ITSN1: variants seen among roughly 807,000 people sequenced by gnomAD.
ITSN1 encodes intersectin 1, also known as intersectin-1.
In ITSN1, 58 loss-of-function variants were observed where a neutral mutation model predicts 239.8. That is an observed-to-expected ratio of 0.24 (90% CI 0.20 to 0.30). ITSN1 has a LOEUF of 0.30. ITSN1 is among the 10% of genes least tolerant of loss of function. ITSN1 has a pLI of 1.00. For missense variants in ITSN1, 1,558 were observed against 2,103.3 expected (o/e 0.74, Z 5.07); for synonymous variants, 780 against 770.8 (o/e 1.01, Z -0.20).
intron 5 of ITSN1, among the ~76,000 whole-genome samples, chr21:33,748,383 A>G (rs1043575871): frequency 6.6e-6 from 1 of 152,204 alleles, no homozygotes; most frequent in Non-Finnish European, 1.5e-5. Context: ...CAGGAGTTCA[A>G]GGTTACAGTG....
intron 29 of ITSN1, among the ~76,000 whole-genome samples, chr21:33,843,426 T>G (rs1038864067): frequency 1.3e-5 from 2 of 152,182 alleles, no homozygotes; most frequent in African/African-American, 4.8e-5. Context: ...CCCTTTGTCC[T>G]TCTCTCCTCC....
intron 29 of ITSN1, among the ~76,000 whole-genome samples, chr21:33,854,199 T>C (rs1054115550): frequency 2.0e-5 from 3 of 152,350 alleles, no homozygotes; most frequent in South Asian, 4.1e-4. Context: ...TCAAGGCAAC[T>C]GTGGGGCATC....
chr21:33,842,495 GGTGTGTGTGTGTGTGTGTGTGT>G (rs34019939), intron 29 of ITSN1, among the ~76,000 whole-genome samples: 1 of 148,170 alleles, frequency 6.7e-6, no homozygotes, highest in East Asian at 2.0e-4. Context: ...TGATGTCAAC[GGTGTGTGTGTGTGTGTGTGTGT>G]GTGTGTGTGT....
chr21:33,840,302 A>G (rs546568937), intron 29 of ITSN1, among the ~76,000 whole-genome samples: 1 of 152,272 alleles, frequency 6.6e-6, no homozygotes, highest in East Asian at 1.9e-4. Context: ...GGTATCTCCT[A>G]TGGCCTCAGA....
At chr21:33,814,444 A>C in intron 22 of ITSN1, 1 of 206,536 alleles carries the variant, frequency 4.8e-6, no homozygotes, top group Non-Finnish European at 9.9e-6. Context: ...GGAAAATCAC[A>C]TACCCCTCCA....
chr21:33,694,288 C>G (rs1340425367), intron 1 of ITSN1, among the ~76,000 whole-genome samples: 1 of 152,208 alleles, frequency 6.6e-6, no homozygotes, highest in Non-Finnish European at 1.5e-5. Flanking sequence ...TTTGGCTACC[C>G]AAAGTGCTGG....
In ITSN1 at chr21:33,761,940, A is replaced by G. The variant is rs772892155; in HGVS notation, c.742A>G (p.Ile248Val). 9.3e-6 allele frequency: 15 copies of G among 1,613,600 alleles called. No homozygotes were observed. In the South Asian group the frequency reaches 1.4e-4, roughly 15 times the overall value. Reference sequence around the variant, plus strand: ...CTGTTTAGGTCCCCAAGCAAGAACTATTCTTATGCAGTCAAGTTTACCACA... The same window carrying G: ...CTGTTTAGGTCCCCAAGCAAGAACTGTTCTTATGCAGTCAAGTTTACCACA... ...GHLTGPQARTILMQSSLPQAQ... is the reference protein window; with the variant it reads ...GHLTGPQARTVLMQSSLPQAQ... Residue 248 changes from isoleucine (I) to valine (V), a missense_variant, in exon 9 of 40, where the codon ATT (isoleucine) becomes GTT (valine). By Grantham distance (29) the Ile-to-Val change is conservative. Coordinates refer to ENST00000381318, the MANE Select transcript of ITSN1 (RefSeq NM_003024.3).
At position 33,818,312 on chromosome 21, in the gene ITSN1, A is replaced by G; in HGVS notation, c.2773A>G (p.Arg925Gly). Reference sequence around the variant, plus strand: ...ACAAGCTCAAGCCCTATATCCTTGGAGAGCCAAAAAAGACAACCACTTAAA... The same window carrying G: ...ACAAGCTCAAGCCCTATATCCTTGGGGAGCCAAAAAAGACAACCACTTAAA... Reference protein sequence around the residue: ...GLQAQALYPWRAKKDNHLNFN... With the variant: ...GLQAQALYPWGAKKDNHLNFN... Residue 925 changes from arginine (R) to glycine (G), a missense_variant, in exon 23 of 40, where the codon AGA becomes GGA. Physicochemically the swap from Arg to Gly is moderately radical, Grantham distance 125. Around this residue, in one of 2 missense-constraint regions of ITSN1, gnomAD observed 982 missense variants for 1,209.9 expected, o/e 0.81. Coordinates refer to ENST00000381318, the MANE Select transcript of ITSN1 (RefSeq NM_003024.3). 3 of 1,614,232 alleles carry G rather than the reference A, an allele frequency of 1.9e-6. No homozygotes were observed. The highest frequency in any genetic ancestry group is 2.5e-6 in the Non-Finnish European group (3 of 1,180,030).
chr21:33,787,791 G>A (rs1362833483), intron 16 of ITSN1, among the ~76,000 whole-genome samples: 2 of 152,140 alleles, frequency 1.3e-5, no homozygotes, highest in Admixed American at 1.3e-4. Flanking sequence ...AATTCAAATA[G>A]CCATGTTGCT....
At chr21:33,730,843 G>A (rs1317352140) in intron 4 of ITSN1, among the ~76,000 whole-genome samples, 1 of 151,824 alleles carries the variant, frequency 6.6e-6, no homozygotes, top group African/African-American at 2.4e-5. Context: ...GGGACTACAG[G>A]CGCCCGCGTG....
At chr21:33,821,654 C>T (rs2073684246) in intron 24 of ITSN1, among the ~76,000 whole-genome samples, 1 of 152,184 alleles carries the variant, frequency 6.6e-6, no homozygotes. Context: ...GCAGGCAGGG[C>T]AAGGCCAGCC....
chr21:33,684,274 T>C (rs767908944), intron 1 of ITSN1, among the ~76,000 whole-genome samples: 2 of 152,194 alleles, frequency 1.3e-5, no homozygotes, highest in Non-Finnish European at 2.9e-5. Context: ...ATCTTAATTG[T>C]CAAATGTCTC....
chr21:33,707,101 CTATGTCT>C (rs2092276699), intron 1 of ITSN1, among the ~76,000 whole-genome samples: 1 of 152,062 alleles, frequency 6.6e-6, no homozygotes, highest in Non-Finnish European at 1.5e-5. Flanking sequence ...TCAAGAATTG[CTATGTCT>C]CTTGGGGGAG....
chr21:33,866,389 G>T (rs1324980423), intron 32 of ITSN1, among the ~76,000 whole-genome samples: 1 of 152,212 alleles, frequency 6.6e-6, no homozygotes, highest in Non-Finnish European at 1.5e-5. Context: ...CCAAGGGCTG[G>T]GCTCTTCCTA....
chr21:33,816,580 G>A (rs996248088), intron 22 of ITSN1, among the ~76,000 whole-genome samples: 2 of 152,134 alleles, frequency 1.3e-5, no homozygotes, highest in Non-Finnish European at 2.9e-5. Context: ...GGGTCATTAG[G>A]GCCCATCAAT....
At chr21:33,832,670 G>C (rs905126042) in intron 27 of ITSN1, among the ~76,000 whole-genome samples, 1 of 152,146 alleles carries the variant, frequency 6.6e-6, no homozygotes, top group African/African-American at 2.4e-5. Flanking sequence ...GTGGAAATTT[G>C]TAACCAGATG....
chr21:33,778,640 G>A (rs1444370927), intron 14 of ITSN1, among the ~76,000 whole-genome samples: 4 of 125,910 alleles, frequency 3.2e-5, no homozygotes, highest in Non-Finnish European at 4.7e-5. Flanking sequence ...GTGCAGTGGC[G>A]CAATCTCGGC....
At position 33,745,174 on chromosome 21, in the gene ITSN1, G is replaced by A. The variant is rs139335904; in HGVS notation, c.347-4969G>A. 2.6e-3 allele frequency among the ~76,000 whole-genome samples: 390 copies of A among 152,222 alleles called. 1 individual carries two copies. Among genetic ancestry groups the A allele is most frequent in the Admixed American group, 4.6e-3 (70 of 15,292 alleles). On this transcript the variant is annotated intron_variant, in intron 5 of 39. Transcript: ENST00000381318. ...TGTAGTCTTGCCAAAGAGATCCACC[G>A]TCAGCTTGATCCATTCTTTGGATGT...
intron 29 of ITSN1, among the ~76,000 whole-genome samples, chr21:33,842,191 G>C: frequency 6.6e-6 from 1 of 152,052 alleles, no homozygotes; most frequent in East Asian, 1.9e-4. Flanking sequence ...CACCGCGCCC[G>C]GCCACTCTTG....
Sources: gnomAD v4.1 joint callset for allele counts (sites outside exome capture counted in the v4.1 genomes callset) on GRCh38, gnomAD v4.1.1 for gene constraint, gnomAD v4.1.1 regional missense constraint, MANE v1.5 for transcripts, NCBI Gene and HGNC (gene_info 2026-07-23, HGNC 2026-07-21) for gene names.